The following CRIM1 variants were observed in gnomAD, a reference collection of about 807,000 sequenced individuals.
The protein encoded by CRIM1 is cysteine rich transmembrane BMP regulator 1, also known as cysteine-rich motor neuron 1 protein.
Under a neutral mutation model 116.4 loss-of-function variants are expected in CRIM1, and 32 were observed. That is an observed-to-expected ratio of 0.27 (90% CI 0.21 to 0.37). CRIM1 has a LOEUF of 0.37. Ranked by LOEUF, CRIM1 falls within the 10% of genes least tolerant of loss-of-function variation. CRIM1 has a pLI of 1.00. For synonymous variants in CRIM1, 590 were observed against 509.2 expected, an observed-to-expected ratio of 1.16 and a Z score of -2.13; for missense variants, 1,331 against 1,354.8, an observed-to-expected ratio of 0.98 and a Z score of 0.28.
At chr2:36,547,429 C>G (rs575493655) in intron 16 of CRIM1, among the ~76,000 whole-genome samples, 39 of 152,254 alleles carry the variant, frequency 2.6e-4, no homozygotes, top group Non-Finnish European at 5.3e-4. Flanking sequence ...TCGATGTACT[C>G]TGAAGTTTTC....
At chr2:36,447,096 C>G (rs1231836230) in intron 4 of CRIM1, among the ~76,000 whole-genome samples, 3 of 152,214 alleles carry the variant, frequency 2.0e-5, no homozygotes, top group Non-Finnish European at 4.4e-5. Context: ...TTTCCCTATT[C>G]ATATCTTACC....
intron 1 of CRIM1, among the ~76,000 whole-genome samples, chr2:36,361,550 T>C (rs1008560689): frequency 6.6e-6 from 1 of 152,142 alleles, no homozygotes; most frequent in African/African-American, 2.4e-5. Context: ...GGGGGTGGAC[T>C]AAAGAATGAC....
chr2:36,479,566 G>A lies in CRIM1; in HGVS notation c.1244G>A (p.Arg415Gln), dbSNP rs759674160. 1.7e-5 allele frequency: 28 copies of A among 1,614,102 alleles called. No individual in the cohort carries two copies. The highest frequency in any genetic ancestry group is 9.9e-5 in the South Asian group (9 of 91,090). ...ANGLILAHGD[R>Q]WREDDCTFCQ... ...GGCCTGATCCTTGCCCACGGAGACCGGTGGCGGGAAGACGACTGCACATTC... is the reference window on the plus strand; with the variant it reads ...GGCCTGATCCTTGCCCACGGAGACCAGTGGCGGGAAGACGACTGCACATTC... The change falls in exon 7 of 17, where the codon CGG becomes CAG. Residue 415 changes from arginine to glutamine, a missense_variant. Physicochemically the swap from Arg to Gln is conservative, Grantham distance 43. Coordinates refer to ENST00000280527, the MANE Select transcript of CRIM1 (RefSeq NM_016441.3).
At chr2:36,383,209 T>C (rs1195637640) in intron 1 of CRIM1, among the ~76,000 whole-genome samples, 1 of 152,232 alleles carries the variant, frequency 6.6e-6, no homozygotes, top group African/African-American at 2.4e-5. Flanking sequence ...ATATTTACAT[T>C]TTCTTTTGGA....
At chr2:36,483,046 C>T (rs1057252384) in intron 7 of CRIM1, among the ~76,000 whole-genome samples, 1 of 152,188 alleles carries the variant, frequency 6.6e-6, no homozygotes, top group Non-Finnish European at 1.5e-5. Flanking sequence ...CTTAAGTACT[C>T]TCATGATGAA....
At chr2:36,499,369 T>A in intron 8 of CRIM1, 22 bp downstream of exon 8, 3 of 1,611,534 alleles carry the variant, frequency 1.9e-6, no homozygotes, top group Middle Eastern at 1.7e-4. Context: ...GAAGACTGTA[T>A]GTTTTTTCTG....
chr2:36,422,966 A>G (rs1674181642), intron 2 of CRIM1, among the ~76,000 whole-genome samples: 1 of 152,190 alleles, frequency 6.6e-6, no homozygotes, highest in Admixed American at 6.5e-5. Flanking sequence ...AGCCTGCTTT[A>G]CTTTCTTTCA....
chr2:36,499,495 A>G (rs987721000), intron 8 of CRIM1, 148 bp downstream of exon 8: 2 of 718,868 alleles, frequency 2.8e-6, no homozygotes, highest in African/African-American at 1.8e-5. Context: ...TTTAACACAA[A>G]CAAATACATA....
At position 36,357,647 on chromosome 2, in the gene CRIM1, C is replaced by A. The variant is rs540414685; in HGVS notation, c.331+1024C>A. Reference sequence around the variant, plus strand: ...AACGGGGGCACGGTTCGGTAAGCATCAGTTAAAAGTGGGATCCCTGCTCTG... The same window carrying A: ...AACGGGGGCACGGTTCGGTAAGCATAAGTTAAAAGTGGGATCCCTGCTCTG... On this transcript the variant is annotated intron_variant, in intron 1 of 16. Coordinates refer to ENST00000280527, the MANE Select transcript of CRIM1 (RefSeq NM_016441.3). 2.0e-5 allele frequency among the ~76,000 whole-genome samples: 3 copies of A among 152,208 alleles called. No individual in the cohort carries two copies. In the South Asian group the frequency reaches 6.2e-4, roughly 32 times the overall value.
chr2:36,481,786 C>G (rs977425150), intron 7 of CRIM1, among the ~76,000 whole-genome samples: 13 of 152,124 alleles, frequency 8.5e-5, no homozygotes, highest in African/African-American at 3.1e-4. Context: ...AGATTCGGCT[C>G]CATTTGTGCT....
intron 11 of CRIM1, 82 bp from the exon 12 acceptor site, chr2:36,517,245 C>T: frequency 8.8e-7 from 1 of 1,129,950 alleles, no homozygotes; most frequent in Non-Finnish European, 1.3e-6. Context: ...TCTTCTATCC[C>T]TTAAAGCAAA....
chr2:36,537,034 GTAAA>G (rs1666600263), intron 13 of CRIM1, among the ~76,000 whole-genome samples: 1 of 152,078 alleles, frequency 6.6e-6, no homozygotes, highest in Non-Finnish European at 1.5e-5. Context: ...ATCCATCTCT[GTAAA>G]TAAACTCAGC....
chr2:36,400,173 A>C (rs1445099706), intron 2 of CRIM1, among the ~76,000 whole-genome samples: 1 of 152,248 alleles, frequency 6.6e-6, no homozygotes, highest in Non-Finnish European at 1.5e-5. Flanking sequence ...AGACAAAATC[A>C]GGGAGTCAGT....
intron 7 of CRIM1, among the ~76,000 whole-genome samples, chr2:36,496,304 C>G (rs1008624167): frequency 2.0e-5 from 3 of 152,114 alleles, no homozygotes; most frequent in Admixed American, 6.6e-5. Flanking sequence ...GTTGTGTTCA[C>G]CCTAATCTAT....
chr2:36,479,509 C>G lies in CRIM1; in HGVS notation c.1187C>G (p.Pro396Arg), dbSNP rs143510576. 1.2e-6 allele frequency: 2 copies of G among 1,614,184 alleles called. No individual in the cohort carries two copies. The highest frequency in any genetic ancestry group is 2.2e-5 in the South Asian group (2 of 91,082). ...TGTTCTCATTTAGATCCAGTGTATC[C>G]TTTTAATAATCCCGCTGGCTGCTAT... ...CCPVCEDPVY[P>R]FNNPAGCYAN... Residue 396 changes from proline to arginine, a missense_variant, in exon 7 of 17, where the codon CCT becomes CGT. Coordinates refer to ENST00000280527, the MANE Select transcript of CRIM1 (RefSeq NM_016441.3).
At chr2:36,451,307 A>AGTG (rs1676703866) in intron 4 of CRIM1, among the ~76,000 whole-genome samples, 1 of 152,198 alleles carries the variant, frequency 6.6e-6, no homozygotes, top group Non-Finnish European at 1.5e-5. Flanking sequence ...ATGCACACAC[A>AGTG]CACACAGTCA....
chr2:36,465,501 A>G (rs1292646559), intron 5 of CRIM1, among the ~76,000 whole-genome samples: 1 of 152,260 alleles, frequency 6.6e-6, no homozygotes, highest in Non-Finnish European at 1.5e-5. Flanking sequence ...AAATATTCAT[A>G]TCAAATACTT....
chr2:36,475,617 C>T (rs1031630656), intron 5 of CRIM1, among the ~76,000 whole-genome samples: 3 of 152,102 alleles, frequency 2.0e-5, no homozygotes, highest in African/African-American at 7.2e-5. Flanking sequence ...ATTACTATGT[C>T]GAATTGAAGT....
At chr2:36,471,556 A>T (rs545544944) in intron 5 of CRIM1, among the ~76,000 whole-genome samples, 78 of 152,286 alleles carry the variant, frequency 5.1e-4, no homozygotes, top group African/African-American at 1.6e-3. Flanking sequence ...GCAATAAAGT[A>T]TTTTAAATTA....
Sources: allele counts gnomAD v4.1 joint callset (sites outside exome capture counted in the v4.1 genomes callset), GRCh38; gene constraint gnomAD v4.1.1; transcripts MANE v1.5; gene names NCBI Gene and HGNC (gene_info 2026-07-23, HGNC 2026-07-21).